The following PSMA8 variants were observed in gnomAD, a reference collection of about 807,000 sequenced individuals.
PSMA8 encodes proteasome 20S subunit alpha 8.
A neutral mutation model predicts 32.4 loss-of-function variants in PSMA8; 18 were observed. The observed-to-expected ratio is 0.56, with a 90% CI of 0.38 to 0.82. The LOEUF is 0.82. Among genes scored for constraint, PSMA8 ranks in the 40% least tolerant of loss-of-function variants. The pLI is 0.00. For synonymous variants in PSMA8, 104 were observed against 98.1 expected (o/e 1.06, Z -0.36); for missense variants, 298 against 300.7 (o/e 0.99, Z 0.07).
chr18:26,170,527 G>T (rs1468749084), intron 4 of PSMA8, among the ~76,000 whole-genome samples: 1 of 130,526 alleles, frequency 7.7e-6, no homozygotes, highest in African/African-American at 4.2e-5. Context: ...CTCAGTTGGG[G>T]TCTTGGAGAA....
rs200739878 is a variant in PSMA8, at chr18:26,158,216, A to G, written c.449A>G (p.Asp150Gly). 2 of 1,608,246 alleles carry G rather than the reference A, an allele frequency of 1.2e-6. No individual in the cohort carries two copies. Among genetic ancestry groups the G allele is most frequent in the East Asian group, 2.2e-5 (1 of 44,624 alleles). Residue 150 changes from aspartate (D) to glycine (G), a missense_variant, in exon 4 of 7, where the codon GAT (aspartate) becomes GGT (glycine). Physicochemically the swap from Asp to Gly is moderately conservative, Grantham distance 94 (BLOSUM62 -1). Coordinates refer to ENST00000415576, the MANE Select transcript of PSMA8 (RefSeq NM_001025096.2). ...GGTATCTCAAGATTGTATCAGACAG[A>G]TCCTTCTGGTACTTATCATGCTTGG... The part of the protein sequence containing the change: ...DDGISRLYQT[D>G]PSGTYHAWKA...
At chr18:26,187,245 C>T (rs1307274387) in intron 6 of PSMA8, among the ~76,000 whole-genome samples, 1 of 152,094 alleles carries the variant, frequency 6.6e-6, no homozygotes, top group Non-Finnish European at 1.5e-5. Flanking sequence ...ACTCAGGGGG[C>T]TGAGGCAGGA....
intron 3 of PSMA8, among the ~76,000 whole-genome samples, chr18:26,153,749 C>T (rs1486586837): frequency 6.6e-6 from 1 of 152,030 alleles, no homozygotes; most frequent in East Asian, 1.9e-4. Flanking sequence ...AAACTATTTT[C>T]CTACTTTGCC....
chr18:26,177,308 C>T (rs2055271854), intron 4 of PSMA8, among the ~76,000 whole-genome samples: 1 of 152,082 alleles, frequency 6.6e-6, no homozygotes, highest in Admixed American at 6.6e-5. Context: ...GCTAAAAATC[C>T]CACAATACAC....
chr18:26,181,948 G>T (rs932226077), intron 6 of PSMA8, among the ~76,000 whole-genome samples: 2 of 151,144 alleles, frequency 1.3e-5, no homozygotes, highest in African/African-American at 4.9e-5. Context: ...AACCAGTCTT[G>T]TTACTGATAT....
chr18:26,186,937 A>T (rs545999817), intron 6 of PSMA8, among the ~76,000 whole-genome samples: 1 of 152,260 alleles, frequency 6.6e-6, no homozygotes, highest in African/African-American at 2.4e-5. Flanking sequence ...CTGGAGAAGG[A>T]TACTTGTCTC....
intron 3 of PSMA8, among the ~76,000 whole-genome samples, chr18:26,157,518 A>G (rs757089227): frequency 2.6e-5 from 4 of 152,310 alleles, no homozygotes; most frequent in Non-Finnish European, 4.4e-5. Context: ...CCCTACCACT[A>G]AAGTAGAAAT....
chr18:26,141,359 T>C (rs945137962), intron 1 of PSMA8, among the ~76,000 whole-genome samples: 1 of 152,214 alleles, frequency 6.6e-6, no homozygotes, highest in African/African-American at 2.4e-5. Context: ...CTAGTCTATA[T>C]TGGTACTTTT....
At position 26,144,652 on chromosome 18, in the gene PSMA8, G is replaced by A; in HGVS notation, c.196G>A (p.Ala66Thr). ...TGAAAGAACTGTGAGGAAAATTTGT[G>A]CCCTTGATGACCATGTCTGCATGGC... ...QDERTVRKIC[A>T]LDDHVCMAFA... Residue 66 changes from alanine to threonine, a missense_variant, in exon 2 of 7, where the codon GCC becomes ACC. By Grantham distance (58) the Ala-to-Thr change is moderately conservative. Transcript: ENST00000415576. 6.2e-7 allele frequency: 1 copy of A among 1,613,892 alleles called. No homozygotes were observed. The highest frequency in any genetic ancestry group is 1.3e-5 in the African/African-American group (1 of 75,014).
At chr18:26,153,934 C>T (rs2055066465) in intron 3 of PSMA8, among the ~76,000 whole-genome samples, 1 of 152,084 alleles carries the variant, frequency 6.6e-6, no homozygotes, top group South Asian at 2.1e-4. Context: ...CAGACTCTTG[C>T]TCTGTTGCCC....
At chr18:26,183,771 TG>T (rs1272531674) in intron 6 of PSMA8, among the ~76,000 whole-genome samples, 2 of 150,870 alleles carry the variant, frequency 1.3e-5, no homozygotes, top group Non-Finnish European at 3.0e-5. Context: ...AAAGTTCAAT[TG>T]TGAGTAAAAT....
At chr18:26,134,343 GTGTGT>G (rs2054892250) in intron 1 of PSMA8, among the ~76,000 whole-genome samples, 1 of 141,676 alleles carries the variant, frequency 7.1e-6, no homozygotes, top group African/African-American at 2.8e-5. Flanking sequence ...GTGTGTGGGT[GTGTGT>G]GTGTGTGTGT....
rs571787676 is a variant in PSMA8 at position 26,188,481 on chromosome 18, TA to T, written c.661-3829del. Among the ~76,000 whole-genome samples, 46 of 150,800 alleles carry T rather than the reference TA, an allele frequency of 3.1e-4. No homozygotes were observed. In the Middle Eastern group the frequency reaches 0.01, roughly 34 times the overall value. ...ACCAATGATATTCTTCACAGAAATA[TA>T]AAAAAAAATCATAAAATCTATATAA... On this transcript the variant is annotated intron_variant, in intron 6 of 6. Coordinates refer to ENST00000415576, the MANE Select transcript of PSMA8 (RefSeq NM_001025096.2).
chr18:26,163,255 A>G (rs1186889471), intron 4 of PSMA8, among the ~76,000 whole-genome samples: 3 of 110,474 alleles, frequency 2.7e-5, no homozygotes, highest in Non-Finnish European at 3.8e-5. Flanking sequence ...ATATATATAT[A>G]TATATATGCT....
At chr18:26,184,448 T>G (rs1057323793) in intron 6 of PSMA8, among the ~76,000 whole-genome samples, 1 of 150,648 alleles carries the variant, frequency 6.6e-6, no homozygotes, top group Non-Finnish European at 1.5e-5. Context: ...CTTCCTCTAT[T>G]CCTTCTCACC....
chr18:26,177,484 T>C (rs910900560), intron 4 of PSMA8, among the ~76,000 whole-genome samples: 6 of 152,194 alleles, frequency 3.9e-5, no homozygotes, highest in Admixed American at 3.9e-4. Flanking sequence ...AGATAATCCA[T>C]GTAAAATGCC....
rs576594707 is a variant in PSMA8 at position 26,171,276 on chromosome 18, G to A, written c.478-7554G>A. The stretch of plus-strand genomic sequence containing the variant: ...GGACACAGCGACGATGCAGTTTAGC[G>A]AACCAACCATGACAGCAGCGGGAGG... On this transcript the variant is annotated intron_variant, in intron 4 of 6. Coordinates refer to ENST00000415576, the MANE Select transcript of PSMA8 (RefSeq NM_001025096.2). 8.9e-5 allele frequency: 135 copies of A among 1,522,186 alleles called. 15 individuals are homozygous for A. In the South Asian group the frequency reaches 1.4e-3, roughly 16 times the overall value. 94.3% of individuals were successfully genotyped at this position (1,522,186 alleles called of 1,614,324 possible). A position where few individuals can be genotyped will look rare whatever the true frequency, so the allele number is the denominator to read the frequency against.
chr18:26,174,891 C>T (rs1338914568), intron 4 of PSMA8, among the ~76,000 whole-genome samples: 1 of 152,162 alleles, frequency 6.6e-6, no homozygotes, highest in Non-Finnish European at 1.5e-5. Context: ...AAATAGTAGT[C>T]CCCAAGATTA....
At position 26,174,295 on chromosome 18, in the gene PSMA8, A is replaced by C. The variant is rs2055247662; in HGVS notation, c.478-4535A>C. On this transcript the variant is annotated intron_variant, in intron 4 of 6. Coordinates refer to ENST00000415576, the MANE Select transcript of PSMA8 (RefSeq NM_001025096.2). The stretch of plus-strand genomic sequence containing the variant: ...TATGTTCTTGCTTATTAGTTCTAAG[A>C]TATTGGTATTTAAGTGTGTATCTAA... Among the ~76,000 whole-genome samples the C allele has an allele frequency of 2.6e-5, 4 of 152,300 alleles. No individual in the cohort carries two copies. The South Asian group carries it at 8.3e-4, about 32-fold the overall frequency.
Sources: allele counts gnomAD v4.1 joint callset (sites outside exome capture counted in the v4.1 genomes callset), GRCh38; gene constraint gnomAD v4.1.1; transcripts MANE v1.5; gene names NCBI Gene and HGNC (gene_info 2026-07-23, HGNC 2026-07-21).